Variants in ANKRD29 observed in about 807,000 individuals in gnomAD.
ANKRD29 encodes the protein ankyrin repeat domain 29.
In ANKRD29, 32 loss-of-function variants were observed where a neutral mutation model predicts 38.0. The observed-to-expected ratio is 0.84, with a 90% confidence interval of 0.64 to 1.13. ANKRD29 has a LOEUF of 1.13. ANKRD29 is among the 50% of genes most tolerant of loss of function. The pLI, the probability that ANKRD29 is intolerant of heterozygous loss-of-function variation, is 0.00. For synonymous variants in ANKRD29, 135 were observed against 152.4 expected (o/e 0.89, Z 0.84); for missense variants, 357 against 377.9 (o/e 0.94, Z 0.46).
intron 3 of ANKRD29, 143 bp downstream of exon 3, chr18:23,646,046 T>C (rs565671874): frequency 6.8e-6 from 5 of 736,268 alleles, no homozygotes; most frequent in South Asian, 3.6e-5. Flanking sequence ...CTGGACCTCA[T>C]TGTAGGCACA....
rs766567629 is a variant in ANKRD29, at chr18:23,662,770, C to T, written c.-40G>A. On this transcript the variant is annotated 5_prime_UTR_variant, in exon 1 of 10. Transcript: ENST00000592179. ...GAGCGGGAGCCGGCGCGCTTTGGGC[C>T]CGGGGCGCCTTGTCCTCCCCGGCCC... 6.9e-7 allele frequency: 1 copy of T among 1,448,032 alleles called. No homozygotes were observed. Among genetic ancestry groups the T allele is most frequent in the Non-Finnish European group, 9.1e-7 (1 of 1,102,848 alleles). 89.7% of individuals were successfully genotyped at this position (1,448,032 alleles called of 1,614,324 possible).
intron 6 of ANKRD29, among the ~76,000 whole-genome samples, chr18:23,627,261 C>G (rs1371912809): frequency 6.6e-6 from 1 of 152,170 alleles, no homozygotes; most frequent in Admixed American, 6.5e-5. Flanking sequence ...AATTCCATTG[C>G]CTTTTTTCCC....
At chr18:23,606,596 C>A (rs971050184) in intron 9 of ANKRD29, among the ~76,000 whole-genome samples, 3 of 152,170 alleles carry the variant, frequency 2.0e-5, no homozygotes, top group African/African-American at 7.2e-5. Flanking sequence ...CAGGCATGAG[C>A]CACTACACCC....
intron 7 of ANKRD29, chr18:23,618,577 C>T (rs1322862323): frequency 1.3e-5 from 2 of 151,834 alleles, no homozygotes. Context: ...GAGACTCTGT[C>T]TCAGAAAAAA....
At position 23,649,150 on chromosome 18, in the gene ANKRD29, C is replaced by T. The variant is rs143318904; in HGVS notation, c.65G>A (p.Arg22Lys). The T allele has an allele frequency of 1.2e-5, 20 of 1,614,186 alleles. No homozygotes were observed. In the African/African-American group the frequency reaches 2.1e-4, roughly 17 times the overall value. The change falls in exon 2 of 10, where the codon AGA becomes AAA. Residue 22 changes from arginine to lysine, a missense_variant. Transcript: ENST00000592179. ...CAGCTTCAGCAGCGCCAGGTTTCCTCTCCTGGCTGCCCAGAATGCAGCATT... is the reference window on the plus strand; with the variant it reads ...CAGCTTCAGCAGCGCCAGGTTTCCTTTCCTGGCTGCCCAGAATGCAGCATT... ...LANAAFWAAR[R>K]GNLALLKLLL...
chr18:23,634,285 T>G (rs923092246), intron 4 of ANKRD29, 136 bp from the exon 5 acceptor site: 2,871 of 127,198 alleles, frequency 0.023, 77 homozygotes, highest in African/African-American at 0.052. Context: ...CCTGTTTTTT[T>G]TTTTTTTTTT....
intron 9 of ANKRD29, among the ~76,000 whole-genome samples, chr18:23,609,474 C>G (rs551833395): frequency 2.6e-5 from 4 of 152,292 alleles, no homozygotes; most frequent in African/African-American, 7.2e-5. Flanking sequence ...TCCCGCACAG[C>G]TGGCTCTGCG....
At chr18:23,642,246 G>A (rs1309788910) in intron 3 of ANKRD29, among the ~76,000 whole-genome samples, 1 of 151,866 alleles carries the variant, frequency 6.6e-6, no homozygotes, top group African/African-American at 2.4e-5. Flanking sequence ...CAGGCAATGA[G>A]GAGAGAGGAG....
At position 23,600,532 on chromosome 18, in the gene ANKRD29, ACT is replaced by A. The variant is rs1368367203; in HGVS notation, c.*692_*693del. On this transcript the variant is annotated 3_prime_UTR_variant, in exon 10 of 10. Coordinates refer to ENST00000592179, the MANE Select transcript of ANKRD29 (RefSeq NM_173505.4). Reference sequence around the variant, plus strand: ...GTATTTTAACCTACCTACAATGTTGACTCTACGTAAAATTGATTTTTACATGT... The same window carrying A: ...GTATTTTAACCTACCTACAATGTTGACTACGTAAAATTGATTTTTACATGT... The A allele has an allele frequency of 6.6e-6, 1 of 152,600 alleles. No individual in the cohort carries two copies. The highest frequency in any genetic ancestry group is 6.5e-5 in the Admixed American group (1 of 15,278). 9.5% of individuals were successfully genotyped at this position (152,600 alleles called of 1,614,324 possible).
chr18:23,628,435 G>A (rs1234813146), intron 6 of ANKRD29, among the ~76,000 whole-genome samples: 2 of 152,122 alleles, frequency 1.3e-5, no homozygotes, highest in Admixed American at 1.3e-4. Context: ...CCTGTATCAG[G>A]TCATAGTACA....
At chr18:23,646,409 C>T (rs146945303) in intron 2 of ANKRD29, 122 bp from the exon 3 acceptor site, 2 of 718,992 alleles carry the variant, frequency 2.8e-6, no homozygotes, top group African/African-American at 1.8e-5. Flanking sequence ...AAATTCCCTG[C>T]AGTGATAAAA....
At position 23,601,078 on chromosome 18, in the gene ANKRD29, C is replaced by T. The variant is rs994337921; in HGVS notation, c.*148G>A. 3.7e-5 allele frequency: 25 copies of T among 678,628 alleles called. No homozygotes were observed. Among genetic ancestry groups the T allele is most frequent in the Middle Eastern group, 4.3e-4 (1 of 2,318 alleles). 42.0% of individuals were successfully genotyped at this position (678,628 alleles called of 1,614,324 possible). A position where few individuals can be genotyped will look rare whatever the true frequency, so the allele number is the denominator to read the frequency against. On this transcript the variant is annotated 3_prime_UTR_variant, in exon 10 of 10. Transcript: ENST00000592179. ...TTGGTTCTTGACTTCGTGCACAGAG[C>T]GTAGCTCTTCTTTGTCAGGGACCCA...
At chr18:23,616,550 G>GTA (rs397702856) in intron 8 of ANKRD29, among the ~76,000 whole-genome samples, 45,174 of 133,712 alleles carry the variant, frequency 0.34, 8,242 homozygotes, top group East Asian at 0.59. Context: ...TATATATATA[G>GTA]TATATATATA....
At chr18:23,601,830 C>A (rs1348294896) in intron 9 of ANKRD29, among the ~76,000 whole-genome samples, 1 of 151,876 alleles carries the variant, frequency 6.6e-6, no homozygotes, top group Non-Finnish European at 1.5e-5. Flanking sequence ...CCACTATGCT[C>A]GGCTAATTTC....
At chr18:23,655,173 C>T (rs951754979) in intron 1 of ANKRD29, among the ~76,000 whole-genome samples, 1 of 138,306 alleles carries the variant, frequency 7.2e-6, no homozygotes, top group African/African-American at 2.7e-5. Flanking sequence ...TTAAGCCCCC[C>T]CACTGACTGA....
chr18:23,642,265 C>T (rs946154824), intron 3 of ANKRD29, among the ~76,000 whole-genome samples: 9 of 151,908 alleles, frequency 5.9e-5, no homozygotes, highest in African/African-American at 2.2e-4. Context: ...AGCTACAGCC[C>T]TTTGGGGAGC....
At chr18:23,634,250 C>A (rs1598501920) in intron 4 of ANKRD29, 101 bp from the exon 5 acceptor site, 3 of 760,700 alleles carry the variant, frequency 3.9e-6, no homozygotes, top group Admixed American at 2.7e-5. Context: ...AGAGTTTTCC[C>A]AAAGATAATA....
chr18:23,649,009 G>T, intron 2 of ANKRD29, 74 bp downstream of exon 2: 1 of 1,192,070 alleles, frequency 8.4e-7, no homozygotes, highest in Non-Finnish European at 1.2e-6. Context: ...AAAGGGGAAT[G>T]TATTCCTGAG....
At chr18:23,636,116 T>C (rs957057817) in intron 4 of ANKRD29, among the ~76,000 whole-genome samples, 3 of 152,198 alleles carry the variant, frequency 2.0e-5, no homozygotes, top group African/African-American at 7.2e-5. Flanking sequence ...AAGATTCTTA[T>C]GGAGGAACTG....
Sources: gnomAD v4.1 joint callset for allele counts (sites outside exome capture counted in the v4.1 genomes callset) on GRCh38, gnomAD v4.1.1 for gene constraint, MANE v1.5 for transcripts, NCBI Gene and HGNC (gene_info 2026-07-23, HGNC 2026-07-21) for gene names.